Variants in PAG1 observed in about 807,000 individuals in gnomAD.
PAG1 encodes the protein phosphoprotein associated with glycosphingolipid-enriched microdomains 1.
In PAG1, 23 loss-of-function variants were observed where a neutral mutation model predicts 31.7. The ratio of observed to expected loss-of-function variants is 0.73; its 90% CI spans 0.52 to 1.03. The LOEUF (loss-of-function observed/expected upper bound fraction) is 1.03. PAG1 is among the 50% of genes least tolerant of loss of function. The pLI, the probability that PAG1 is intolerant of heterozygous loss-of-function variation, is 0.00. For synonymous variants in PAG1, 214 were observed against 210.3 expected, an observed-to-expected ratio of 1.02 and a Z score of -0.15; for missense variants, 473 against 540.7, an observed-to-expected ratio of 0.87 and a Z score of 1.24.
chr8:81,027,165 C>T (rs1808296039), intron 3 of PAG1, among the ~76,000 whole-genome samples: 1 of 152,076 alleles, frequency 6.6e-6, no homozygotes, highest in Non-Finnish European at 1.5e-5. Flanking sequence ...CATGCACCAC[C>T]ATGCTTGGTT....
chr8:81,047,366 T>G (rs1262960975), intron 2 of PAG1, among the ~76,000 whole-genome samples: 1 of 152,204 alleles, frequency 6.6e-6, no homozygotes, highest in Non-Finnish European at 1.5e-5. Context: ...TTTTTTGACT[T>G]TTTAATAACA....
At chr8:81,090,722 T>A (rs893155681) in intron 1 of PAG1, among the ~76,000 whole-genome samples, 2 of 152,206 alleles carry the variant, frequency 1.3e-5, no homozygotes, top group Non-Finnish European at 2.9e-5. Context: ...GGGAGTGGTT[T>A]ATGAAAGCCT....
chr8:81,081,211 T>TA lies in PAG1; in HGVS notation c.-233-11042_-233-11041insT, dbSNP rs1563423454. On this transcript the variant is annotated intron_variant, in intron 1 of 8. Transcript: ENST00000220597. ...CCTTCCTTCCCAATCTCCAAACAAA[T>TA]TAAAAAAAAAAACAGACTTTAGAAG... Among the ~76,000 whole-genome samples, 374 of 150,342 alleles carry TA rather than the reference T, an allele frequency of 2.5e-3. 4 individuals carry two copies. The highest frequency in any genetic ancestry group is 8.9e-3 in the African/African-American group (360 of 40,448).
intron 1 of PAG1, among the ~76,000 whole-genome samples, chr8:81,073,603 C>T (rs1809128444): frequency 6.6e-6 from 1 of 152,196 alleles, no homozygotes; most frequent in Non-Finnish European, 1.5e-5. Flanking sequence ...TCTGTCCAAA[C>T]ACAATCACAT....
chr8:80,994,668 G>A (rs1392076179), intron 3 of PAG1, among the ~76,000 whole-genome samples: 1 of 152,062 alleles, frequency 6.6e-6, no homozygotes, highest in Non-Finnish European at 1.5e-5. Context: ...GGACTCACAG[G>A]GTCACTGCAC....
chr8:81,112,009 A>G lies in PAG1; in HGVS notation c.-652T>C, dbSNP rs989303065. ...TCGGCTGGTCACATCGCGGGCGCGC[A>G]GACGGACAAGCGAGCGGGAGGGTAC... is the stretch of plus-strand genomic sequence containing the variant. On this transcript the variant is annotated 5_prime_UTR_variant, in exon 1 of 9. Transcript: ENST00000220597. The G allele has an allele frequency of 6.6e-6, 1 of 152,190 alleles. No homozygotes were observed. The highest frequency in any genetic ancestry group is 2.4e-5 in the African/African-American group (1 of 41,438). 9.4% of individuals were successfully genotyped at this position (152,190 alleles called of 1,614,324 possible).
intron 2 of PAG1, among the ~76,000 whole-genome samples, chr8:81,068,176 C>T (rs1027972557): frequency 2.6e-5 from 4 of 152,148 alleles, no homozygotes; most frequent in Non-Finnish European, 5.9e-5. Flanking sequence ...GGATTACAGG[C>T]GTGAGCACTG....
chr8:81,045,004 G>A (rs557788432), intron 2 of PAG1, among the ~76,000 whole-genome samples: 3 of 152,086 alleles, frequency 2.0e-5, no homozygotes, highest in Non-Finnish European at 4.4e-5. Context: ...GCACTTGCTT[G>A]TTTATGCATA....
At chr8:81,097,610 G>A (rs1325466730) in intron 1 of PAG1, among the ~76,000 whole-genome samples, 1 of 151,872 alleles carries the variant, frequency 6.6e-6, no homozygotes, top group Non-Finnish European at 1.5e-5. Flanking sequence ...GAAAGGCGAG[G>A]TTCGTAATTT....
chr8:81,055,087 T>C (rs1808795661), intron 2 of PAG1, among the ~76,000 whole-genome samples: 1 of 150,400 alleles, frequency 6.6e-6, no homozygotes, highest in Non-Finnish European at 1.5e-5. Context: ...TTTTTTTTTT[T>C]TTTGTTGACA....
At chr8:81,069,774 G>A (rs1197168997) in intron 2 of PAG1, among the ~76,000 whole-genome samples, 1 of 152,232 alleles carries the variant, frequency 6.6e-6, no homozygotes, top group East Asian at 1.9e-4. Flanking sequence ...CAAAGATGAG[G>A]AAAGAGATTG....
chr8:81,079,987 C>T (rs965348085), intron 1 of PAG1, among the ~76,000 whole-genome samples: 2 of 151,974 alleles, frequency 1.3e-5, no homozygotes, highest in African/African-American at 4.8e-5. Flanking sequence ...CCAGGCTTGT[C>T]TCAAACTCCT....
At chr8:80,980,008 G>A (rs958188575) in intron 8 of PAG1, among the ~76,000 whole-genome samples, 11 of 151,682 alleles carry the variant, frequency 7.3e-5, no homozygotes, top group East Asian at 5.8e-4. Context: ...ATTTCCCCAC[G>A]GAGACTTCCT....
chr8:81,105,637 A>G (rs560553435), intron 1 of PAG1, among the ~76,000 whole-genome samples: 2 of 152,336 alleles, frequency 1.3e-5, no homozygotes, highest in East Asian at 3.9e-4. Flanking sequence ...GAGCTCCCTC[A>G]ACACTTAAGT....
At chr8:81,003,088 T>C (rs1463076693) in intron 3 of PAG1, among the ~76,000 whole-genome samples, 1 of 152,134 alleles carries the variant, frequency 6.6e-6, no homozygotes. Context: ...AATGCAGAAT[T>C]CTGAACCTTC....
chr8:80,989,777 T>C lies in PAG1; in HGVS notation c.177+1702A>G, dbSNP rs528085103. ...ATACAACTGGATCACCTGGGGTGCT[T>C]GCGAGCCTTTTACTGGGCCTCACCC... is the stretch of plus-strand genomic sequence containing the variant. On this transcript the variant is annotated intron_variant, in intron 5 of 8. Coordinates refer to ENST00000220597, the MANE Select transcript of PAG1 (RefSeq NM_018440.4). Among the ~76,000 whole-genome samples, 12 of 152,242 alleles carry C rather than the reference T, an allele frequency of 7.9e-5. No individual in the cohort carries two copies. In the East Asian group the frequency reaches 1.7e-3, roughly 22 times the overall value.
At chr8:81,037,400 C>T (rs777618449) in intron 2 of PAG1, 4 of 152,250 alleles carry the variant, frequency 2.6e-5, no homozygotes, top group Middle Eastern at 3.4e-3. Context: ...AAGCCTTATC[C>T]GTATGCATCC....
In PAG1 at chr8:81,007,636, CAAAAAAAA is replaced by C. The variant is rs58612249; in HGVS notation, c.-80-14337_-80-14330del. Among the ~76,000 whole-genome samples, 15 of 49,734 alleles carry C rather than the reference CAAAAAAAA, an allele frequency of 3.0e-4. 1 individual carries two copies. The East Asian group carries it at 0.01, about 34-fold the overall frequency. The allele number at this position is 49,734 out of a possible 152,430, so 32.6% of individuals were successfully genotyped here. ...TGGGTGACAGAGCAAGACTCTGTCT[CAAAAAAAA>C]AAAAAAAAAAAAAAAAGAACTTAAA... On this transcript the variant is annotated intron_variant, in intron 3 of 8. Coordinates refer to ENST00000220597, the MANE Select transcript of PAG1 (RefSeq NM_018440.4).
intron 2 of PAG1, among the ~76,000 whole-genome samples, chr8:81,066,749 A>T (rs1809015172): frequency 6.6e-6 from 1 of 152,234 alleles, no homozygotes; most frequent in Admixed American, 6.5e-5. Context: ...GGAGAAAGAA[A>T]AAAGGGATAG....
Sources: allele counts gnomAD v4.1 joint callset (sites outside exome capture counted in the v4.1 genomes callset), GRCh38; gene constraint gnomAD v4.1.1; transcripts MANE v1.5; gene names NCBI Gene and HGNC (gene_info 2026-07-23, HGNC 2026-07-21).